Variants in CLVS1 observed in about 807,000 individuals in gnomAD.
The protein encoded by CLVS1 is clavesin-1.
Under a neutral mutation model 33.1 loss-of-function variants are expected in CLVS1, and 10 were observed. That is an observed-to-expected ratio of 0.30 (90% CI 0.19 to 0.51). The LOEUF is 0.51. Ranked by LOEUF, CLVS1 falls within the 20% of genes least tolerant of loss-of-function variation. The pLI is 0.97. For synonymous variants in CLVS1, 163 were observed against 166.1 expected (o/e 0.98, Z 0.14); for missense variants, 343 against 433.4 (o/e 0.79, Z 1.85).
chr8:61,045,554 G>T, the CLVS1 span, among the ~76,000 whole-genome samples: 2 of 152,178 alleles, frequency 1.3e-5, no homozygotes, highest in Non-Finnish European at 2.9e-5. Context: ...TCTTGAGTAC[G>T]GCACCCCAAG....
intron 2 of CLVS1, among the ~76,000 whole-genome samples, chr8:61,218,182 C>G (rs1183672623): frequency 6.6e-6 from 1 of 152,136 alleles, no homozygotes; most frequent in Non-Finnish European, 1.5e-5. Context: ...ATCATAATAT[C>G]AAAGAGACAT....
At chr8:61,342,195 C>T in intron 2 of CLVS1, among the ~76,000 whole-genome samples, 1 of 152,106 alleles carries the variant, frequency 6.6e-6, no homozygotes, top group East Asian at 1.9e-4. Context: ...TCAGCCTCAC[C>T]CTGACTCCAT....
intron 2 of CLVS1, among the ~76,000 whole-genome samples, chr8:61,318,116 T>C (rs1811073478): frequency 6.6e-6 from 1 of 152,218 alleles, no homozygotes. Flanking sequence ...AGTTATAAAT[T>C]AAAATTATTT....
intron 1 of CLVS1, among the ~76,000 whole-genome samples, chr8:61,111,072 C>T (rs755191292): frequency 1.3e-5 from 2 of 152,032 alleles, no homozygotes; most frequent in African/African-American, 2.4e-5. Context: ...ATTGCTGGAT[C>T]GTATGGTAAC....
chr8:61,261,374 G>A (rs1415995190), intron 2 of CLVS1, among the ~76,000 whole-genome samples: 1 of 152,200 alleles, frequency 6.6e-6, no homozygotes, highest in Admixed American at 6.5e-5. Context: ...ACTAACAGGA[G>A]TGAAGAAAAG....
In CLVS1 at chr8:61,444,023, T is replaced by C. The variant is rs965896750; in HGVS notation, c.631-10118T>C. ...TAGTAATGTATTTTTAATTTTGGTG[T>C]CTTCATATTTATTGTTGGTATAGAG... On this transcript the variant is annotated intron_variant, in intron 3 of 5. Transcript: ENST00000325897. Among the ~76,000 whole-genome samples the C allele has an allele frequency of 2.0e-5, 3 of 152,234 alleles. No homozygotes were observed. In the East Asian group the frequency reaches 5.8e-4, roughly 29 times the overall value.
the CLVS1 span, among the ~76,000 whole-genome samples, chr8:61,022,443 C>T: frequency 2.6e-5 from 4 of 152,220 alleles, no homozygotes; most frequent in African/African-American, 9.6e-5. Flanking sequence ...CCTAATAGAC[C>T]TTTGTTATTT....
chr8:61,088,581 C>T (rs1443320979), intron 1 of CLVS1, among the ~76,000 whole-genome samples: 1 of 151,536 alleles, frequency 6.6e-6, no homozygotes, highest in Non-Finnish European at 1.5e-5. Context: ...TGCCACAGTG[C>T]TTTAAACATT....
At chr8:61,086,011 G>A (rs1167708373) in intron 1 of CLVS1, among the ~76,000 whole-genome samples, 2 of 117,442 alleles carry the variant, frequency 1.7e-5, no homozygotes, top group Non-Finnish European at 3.2e-5. Context: ...ACTCCAGCCT[G>A]GGCGACAGAG....
intron 1 of CLVS1, among the ~76,000 whole-genome samples, chr8:61,130,037 A>C (rs1173577041): frequency 1.3e-5 from 2 of 152,026 alleles, no homozygotes; most frequent in African/African-American, 4.8e-5. Flanking sequence ...CAGGAGTTTG[A>C]GACTAGCCTG....
intron 2 of CLVS1, among the ~76,000 whole-genome samples, chr8:61,158,401 C>T (rs946299180): frequency 6.6e-6 from 1 of 152,118 alleles, no homozygotes; most frequent in African/African-American, 2.4e-5. Context: ...ACTGATTGGA[C>T]AGTACATTTA....
chr8:60,985,712 T>C, the CLVS1 span, among the ~76,000 whole-genome samples: 8 of 151,886 alleles, frequency 5.3e-5, no homozygotes, highest in Non-Finnish European at 8.8e-5. Flanking sequence ...CAAAGTATAA[T>C]AGTAGCTCAT....
At position 61,236,505 on chromosome 8, in the gene CLVS1, G is replaced by A. The variant is rs559108178; in HGVS notation, c.-151-63172G>A. Among the ~76,000 whole-genome samples, 7 of 152,276 alleles carry A rather than the reference G, an allele frequency of 4.6e-5. No individual in the cohort carries two copies. In the South Asian group the frequency reaches 8.3e-4, roughly 18 times the overall value. On this transcript the variant is annotated intron_variant, in intron 2 of 2. Coordinates refer to the CLVS1 transcript ENST00000522621. ...CAGTCTGTTGCTCGCTTGCTCAGAC[G>A]TCCCCCTGGGACCCAGAAGTCTAAC... is the stretch of plus-strand genomic sequence containing the variant.
intron 2 of CLVS1, among the ~76,000 whole-genome samples, chr8:61,185,030 T>A (rs2129301407): frequency 6.6e-6 from 1 of 152,342 alleles, no homozygotes; most frequent in African/African-American, 2.4e-5. Flanking sequence ...TAGGTTTTTT[T>A]CTAGACACAT....
the CLVS1 span, among the ~76,000 whole-genome samples, chr8:61,015,836 C>T: frequency 6.6e-6 from 1 of 152,276 alleles, no homozygotes; most frequent in Non-Finnish European, 1.5e-5. Context: ...GGCCTTCCAC[C>T]ACTTCCATCC....
chr8:61,246,530 G>T (rs1161450359), intron 2 of CLVS1, among the ~76,000 whole-genome samples: 1 of 151,930 alleles, frequency 6.6e-6, no homozygotes, highest in Non-Finnish European at 1.5e-5. Context: ...AATCTCAAAA[G>T]GCATTATTAT....
chr8:61,213,346 A>C (rs1490000546), intron 2 of CLVS1, among the ~76,000 whole-genome samples: 1 of 26,974 alleles, frequency 3.7e-5, no homozygotes, highest in Non-Finnish European at 5.1e-5. Context: ...TCCCCGCCTC[A>C]ACCTCCCAAA....
chr8:61,447,242 G>A (rs1468101919), intron 3 of CLVS1, among the ~76,000 whole-genome samples: 1 of 151,952 alleles, frequency 6.6e-6, no homozygotes, highest in Non-Finnish European at 1.5e-5. Context: ...ACTAGCTTTT[G>A]CTTTGCATAT....
chr8:61,250,234 G>A (rs2129591558), intron 2 of CLVS1, among the ~76,000 whole-genome samples: 1 of 152,230 alleles, frequency 6.6e-6, no homozygotes, highest in South Asian at 2.1e-4. Flanking sequence ...TTGTAGATGT[G>A]TGGTGTTATT....
Sources: gnomAD v4.1 joint callset for allele counts (sites outside exome capture counted in the v4.1 genomes callset) on GRCh38, gnomAD v4.1.1 for gene constraint, MANE v1.5 for transcripts, NCBI Gene and HGNC (gene_info 2026-07-23, HGNC 2026-07-21) for gene names.